Variants in PKHD1L1 observed in about 807,000 individuals in gnomAD.
PKHD1L1 encodes fibrocystin-L.
A neutral mutation model predicts 462.9 loss-of-function variants in PKHD1L1; 434 were observed. The ratio of observed to expected loss-of-function variants is 0.94; its 90% CI spans 0.87 to 1.02. PKHD1L1 has a LOEUF of 1.02. PKHD1L1 is among the 50% of genes least tolerant of loss of function. The probability of loss-of-function intolerance (pLI) is 0.00; values close to 1 mark genes in which losing one functional copy is unlikely to be tolerated. For missense variants in PKHD1L1, 5,202 were observed against 5,096.1 expected (o/e 1.02, Z -0.63); for synonymous variants, 1,781 against 1,750.0 (o/e 1.02, Z -0.44).
chr8:109,401,451 A>G (rs772056185), intron 13 of PKHD1L1, 46 bp from the exon 14 acceptor site: 1 of 990,936 alleles, frequency 1.0e-6, no homozygotes, highest in Non-Finnish European at 1.6e-6. Flanking sequence ...GAAAAGGTCT[A>G]TTAATAAATT....
chr8:109,392,617 T>C (rs1222588727), intron 9 of PKHD1L1, among the ~76,000 whole-genome samples: 1 of 152,140 alleles, frequency 6.6e-6, no homozygotes, highest in African/African-American at 2.4e-5. Context: ...ATGACATTTA[T>C]GATTTAAAAT....
intron 2 of PKHD1L1, among the ~76,000 whole-genome samples, chr8:109,365,684 AAAG>A (rs1160168988): frequency 2.0e-5 from 3 of 152,218 alleles, no homozygotes; most frequent in Non-Finnish European, 4.4e-5. Flanking sequence ...TCAGATTAAG[AAAG>A]AAGAAGGGCT....
intron 39 of PKHD1L1, among the ~76,000 whole-genome samples, chr8:109,448,652 C>G (rs1816306748): frequency 6.6e-6 from 1 of 151,590 alleles, no homozygotes; most frequent in Non-Finnish European, 1.5e-5. Flanking sequence ...GCTGGGACTA[C>G]AGGCGCCCGC....
In PKHD1L1 at chr8:109,476,375, A is replaced by G. The variant is rs141124335; in HGVS notation, c.8758-133A>G. On this transcript the variant is annotated intron_variant, in intron 51 of 77. Coordinates refer to ENST00000378402, the MANE Select transcript of PKHD1L1 (RefSeq NM_177531.6). ...CGTTAATAAACAAAATAGAAATTCA[A>G]GACAAAAAACAAACTAAAGCCAAAA... 2.3e-3 allele frequency: 1,326 copies of G among 586,650 alleles called. 14 individuals carry two copies. In the African/African-American group the frequency reaches 0.023, roughly 10 times the overall value. The allele number at this position is 586,650 out of a possible 1,614,324, so 36.3% of individuals were successfully genotyped here. A position where few individuals can be genotyped will look rare whatever the true frequency, so the allele number is the denominator to read the frequency against.
chr8:109,529,908 A>G (rs966127902), intron 77 of PKHD1L1, among the ~76,000 whole-genome samples, 172 bp from the exon 78 acceptor site: 5 of 152,136 alleles, frequency 3.3e-5, no homozygotes, highest in African/African-American at 9.6e-5. Context: ...ACCACAATCT[A>G]TAAGTTTCTA....
chr8:109,374,020 C>T (rs977832727), intron 2 of PKHD1L1, among the ~76,000 whole-genome samples: 38 of 152,034 alleles, frequency 2.5e-4, no homozygotes, highest in Non-Finnish European at 4.1e-4. Flanking sequence ...CTATTAGGTC[C>T]GCTTGGTGCA....
At chr8:109,456,603 A>G (rs986211619) in intron 46 of PKHD1L1, among the ~76,000 whole-genome samples, 5 of 152,216 alleles carry the variant, frequency 3.3e-5, no homozygotes, top group Non-Finnish European at 7.3e-5. Context: ...ACAATAAGAA[A>G]AAACATAAAT....
At chr8:109,457,215 C>G (rs1816874926) in intron 46 of PKHD1L1, among the ~76,000 whole-genome samples, 1 of 152,046 alleles carries the variant, frequency 6.6e-6, no homozygotes, top group African/African-American at 2.4e-5. Context: ...ATTTAAAATT[C>G]AAGATGGCAT....
In PKHD1L1 at chr8:109,381,479, T is replaced by G; in HGVS notation, c.273T>G (p.Asp91Glu). Residue 91 changes from aspartate (D) to glutamate (E), a missense_variant, in exon 3 of 78, where the codon GAT becomes GAG. This residue lies in a region of PKHD1L1 where 4,497 missense variants were observed against 4,336.8 expected (regional missense o/e 1.04). Transcript: ENST00000378402. Reference protein sequence around the residue: ...FQSITCDVEKDASHSTQITCY... With the variant: ...FQSITCDVEKEASHSTQITCY... ...CAATTACTTGTGATGTAGAAAAAGA[T>G]GCAAGTCATTCAACTCAAATTACAT... 6.3e-7 allele frequency: 1 copy of G among 1,583,030 alleles called. No individual in the cohort carries two copies. The highest frequency in any genetic ancestry group is 1.1e-5 in the South Asian group (1 of 87,142).
intron 31 of PKHD1L1, among the ~76,000 whole-genome samples, chr8:109,438,670 A>G (rs536487520): frequency 6.6e-6 from 1 of 150,862 alleles, no homozygotes; most frequent in African/African-American, 2.4e-5. Context: ...TTTTTTTTTT[A>G]AAAAAGGACT....
intron 63 of PKHD1L1, among the ~76,000 whole-genome samples, chr8:109,494,946 C>T (rs185249705): frequency 7.9e-5 from 12 of 151,906 alleles, no homozygotes; most frequent in African/African-American, 2.4e-4. Flanking sequence ...AAATGTATGT[C>T]CCTTCCAGAG....
intron 62 of PKHD1L1, among the ~76,000 whole-genome samples, chr8:109,492,708 G>A (rs1011951425): frequency 6.6e-6 from 1 of 151,654 alleles, no homozygotes; most frequent in African/African-American, 2.4e-5. Context: ...GCTATCTATG[G>A]CTTTTGAAGG....
At chr8:109,363,832 A>G (rs1811096428) in intron 1 of PKHD1L1, among the ~76,000 whole-genome samples, 1 of 152,186 alleles carries the variant, frequency 6.6e-6, no homozygotes, top group Admixed American at 6.5e-5. Flanking sequence ...CCAGTGTGAC[A>G]CAAGCAGCGT....
At position 109,438,939 on chromosome 8, in the gene PKHD1L1, A is replaced by C; in HGVS notation, c.3803A>C (p.Glu1268Ala). ...ATTAAGGGCTATAATTTTGGAAATGAACTCACACAAAACATGGCGGTGTAT... is the reference window on the plus strand; with the variant it reads ...ATTAAGGGCTATAATTTTGGAAATGCACTCACACAAAACATGGCGGTGTAT... Reference protein sequence around the residue: ...LTIKGYNFGNELTQNMAVYVG... With the variant: ...LTIKGYNFGNALTQNMAVYVG... The change falls in exon 32 of 78, where the codon GAA (glutamate) becomes GCA (alanine). Residue 1268 changes from glutamate to alanine, a missense_variant. Glu to Ala is a moderately radical substitution (Grantham distance 107). Around this residue, in one of 3 missense-constraint regions of PKHD1L1, gnomAD observed 4,497 missense variants for 4,336.8 expected, o/e 1.04. Transcript: ENST00000378402. 1 of 1,613,112 alleles carries C rather than the reference A, an allele frequency of 6.2e-7. No individual in the cohort carries two copies. The highest frequency in any genetic ancestry group is 8.5e-7 in the Non-Finnish European group (1 of 1,179,472).
Position 109,536,734 on chromosome 8 carries a change from G to A in PKHD1L1, c.*6644G>A, listed in dbSNP as rs1316788414. ...ACCAGGCCCCTTCTGAAGAAAACTG[G>A]TTAACTCTAAATTGTTACTAAATTT... On this transcript the variant is annotated 3_prime_UTR_variant, in exon 78 of 78. Transcript: ENST00000378402. Among the ~76,000 whole-genome samples the A allele has an allele frequency of 6.6e-6, 1 of 152,010 alleles. No individual in the cohort carries two copies. The highest frequency in any genetic ancestry group is 2.4e-5 in the African/African-American group (1 of 41,394).
intron 67 of PKHD1L1, among the ~76,000 whole-genome samples, chr8:109,500,780 G>T (rs1215735485): frequency 1.3e-5 from 2 of 151,808 alleles, no homozygotes; most frequent in Non-Finnish European, 2.9e-5. Flanking sequence ...ATACCCCAGT[G>T]GATCATGTGA....
Position 109,498,765 on chromosome 8 carries a change from A to G in PKHD1L1, c.10822A>G (p.Ile3608Val). ...CAATGCCATCAGTGGCCTTTTGGAC[A>G]TCTCAGGCAAGTACACAGTCTTTTA... ...SYNAISGLLD[I>V]SGSTFVGFKN... Residue 3608 changes from isoleucine to valine, a missense_variant, in exon 67 of 78, where the codon ATC becomes GTC. Ile to Val is a conservative substitution (Grantham distance 29). Transcript: ENST00000378402. 6.2e-7 allele frequency: 1 copy of G among 1,605,406 alleles called. No homozygotes were observed. The highest frequency in any genetic ancestry group is 1.3e-5 in the African/African-American group (1 of 74,834).
chr8:109,458,553 G>A (rs1257938396), intron 46 of PKHD1L1, among the ~76,000 whole-genome samples: 1 of 152,148 alleles, frequency 6.6e-6, no homozygotes, highest in Non-Finnish European at 1.5e-5. Context: ...CTGCAGCGTT[G>A]TTGCTCTGAG....
chr8:109,526,425 C>G (rs1260696032), intron 76 of PKHD1L1, among the ~76,000 whole-genome samples: 1 of 152,150 alleles, frequency 6.6e-6, no homozygotes, highest in Non-Finnish European at 1.5e-5. Flanking sequence ...AGGTCAAGTA[C>G]GAAGGGATGA....
Sources: gnomAD v4.1 joint callset for allele counts (sites outside exome capture counted in the v4.1 genomes callset) on GRCh38, gnomAD v4.1.1 for gene constraint, gnomAD v4.1.1 regional missense constraint, MANE v1.5 for transcripts, NCBI Gene and HGNC (gene_info 2026-07-23, HGNC 2026-07-21) for gene names.